The following STON2 variants were observed in gnomAD, a reference collection of about 807,000 sequenced individuals.
STON2 encodes the protein stonin 2, also known as stonin-2.
STON2 carries 29 observed loss-of-function variants against 65.7 expected under a neutral mutation model. The ratio of observed to expected loss-of-function variants is 0.44; its 90% confidence interval spans 0.33 to 0.60. The LOEUF (loss-of-function observed/expected upper bound fraction) is 0.60. STON2 is among the 20% of genes least tolerant of loss of function. The probability of loss-of-function intolerance (pLI) is 0.03; values close to 1 mark genes in which losing one functional copy is unlikely to be tolerated. For missense variants in STON2, 1,054 were observed against 1,118.1 expected (o/e 0.94, Z 0.82); for synonymous variants, 404 against 414.2 (o/e 0.98, Z 0.30).
rs1894181625 is a variant in STON2 at position 81,262,317 on chromosome 14, C to G, written c.*6097G>C. 1 of 985,320 alleles carries G rather than the reference C, an allele frequency of 1.0e-6. No homozygotes were observed. Among genetic ancestry groups the G allele is most frequent in the African/African-American group, 1.7e-5 (1 of 57,252 alleles). 61.0% of individuals were successfully genotyped at this position (985,320 alleles called of 1,614,324 possible). ...CTTTAAATAAACAATCCTCAATGTC[C>G]TCGTGTCTAGCCTTTCCTCCCTTTA... On this transcript the variant is annotated 3_prime_UTR_variant, in exon 8 of 8. Coordinates refer to ENST00000614646, the MANE Select transcript of STON2 (RefSeq NM_001394390.1).
At position 81,264,084 on chromosome 14, in the gene STON2, G is replaced by A; in HGVS notation, c.*4330C>T. On this transcript the variant is annotated 3_prime_UTR_variant, in exon 8 of 8. Transcript: ENST00000614646. ...CTTTTCCTACTGACCATTGAAATGGGCAAGGCTCAGGCTCATGGATCTGTT... is the reference window on the plus strand; with the variant it reads ...CTTTTCCTACTGACCATTGAAATGGACAAGGCTCAGGCTCATGGATCTGTT... 2 of 985,422 alleles carry A rather than the reference G, an allele frequency of 2.0e-6. No individual in the cohort carries two copies. The highest frequency in any genetic ancestry group is 2.4e-6 in the Non-Finnish European group (2 of 829,938). The allele number at this position is 985,422 out of a possible 1,614,324, so 61.0% of individuals were successfully genotyped here.
chr14:81,366,086 A>T (rs892602237), intron 4 of STON2, among the ~76,000 whole-genome samples: 2 of 152,344 alleles, frequency 1.3e-5, no homozygotes, highest in Admixed American at 1.3e-4. Context: ...TTCGCTCTTG[A>T]GAGCAGACCT....
intron 7 of STON2, 28 bp from the exon 8 acceptor site, chr14:81,268,525 G>A (rs1268719339): frequency 7.8e-7 from 1 of 1,288,056 alleles, no homozygotes. Flanking sequence ...TGGAGATAAA[G>A]ATCAAAAAGA....
intron 4 of STON2, among the ~76,000 whole-genome samples, chr14:81,338,722 A>C (rs1897472788): frequency 6.6e-6 from 1 of 152,200 alleles, no homozygotes. Context: ...AATTGAGTTA[A>C]ATTATAGAAC....
upstream of STON2, among the ~76,000 whole-genome samples, chr14:81,404,339 G>A (rs562158908): frequency 6.6e-6 from 1 of 152,264 alleles, no homozygotes; most frequent in South Asian, 2.1e-4. Context: ...GTATAAAAAG[G>A]TGTAAAATAT....
At chr14:81,304,208 C>T (rs1165241602) in intron 5 of STON2, among the ~76,000 whole-genome samples, 2 of 152,144 alleles carry the variant, frequency 1.3e-5, no homozygotes, top group Non-Finnish European at 2.9e-5. Context: ...TTTAGATTCC[C>T]CCACACACCT....
chr14:81,337,695 C>T (rs1418560270), intron 4 of STON2, among the ~76,000 whole-genome samples: 1 of 152,146 alleles, frequency 6.6e-6, no homozygotes, highest in Non-Finnish European at 1.5e-5. Flanking sequence ...CAAGTATGAA[C>T]ATGAGAATGG....
chr14:81,268,345 A>T lies in STON2; in HGVS notation c.*69T>A. On this transcript the variant is annotated 3_prime_UTR_variant, in exon 8 of 8. Transcript: ENST00000614646. ...TGCAACTTCAGCTACTCAGGAAGAC[A>T]CCCTATCATGACTCAGGAAGACACC... 2 of 1,281,908 alleles carry T rather than the reference A, an allele frequency of 1.6e-6. No homozygotes were observed. Among genetic ancestry groups the T allele is most frequent in the Non-Finnish European group, 2.0e-6 (2 of 985,450 alleles). The allele number at this position is 1,281,908 out of a possible 1,614,324, so 79.4% of individuals were successfully genotyped here.
intron 5 of STON2, among the ~76,000 whole-genome samples, chr14:81,296,870 T>C (rs1895781290): frequency 6.6e-6 from 1 of 152,240 alleles, no homozygotes; most frequent in Non-Finnish European, 1.5e-5. Flanking sequence ...AGAGGAAGAA[T>C]GTAACAATCC....
At chr14:81,358,100 A>T (rs1019601858) in intron 4 of STON2, among the ~76,000 whole-genome samples, 2 of 152,142 alleles carry the variant, frequency 1.3e-5, no homozygotes, top group African/African-American at 4.8e-5. Context: ...AGTAAAGCAG[A>T]GCCATATTCA....
chr14:81,398,844 A>G (rs928313638), intron 1 of STON2, among the ~76,000 whole-genome samples: 2 of 152,238 alleles, frequency 1.3e-5, no homozygotes, highest in African/African-American at 2.4e-5. Flanking sequence ...AATTTCCCTA[A>G]TTATTGTATT....
At chr14:81,363,639 G>C (rs979257048) in intron 4 of STON2, among the ~76,000 whole-genome samples, 3 of 151,338 alleles carry the variant, frequency 2.0e-5, no homozygotes, top group Admixed American at 6.6e-5. Context: ...AAAAAAAACT[G>C]CTCTGCTATT....
Position 81,278,079 on chromosome 14 carries a change from T to C in STON2, c.1403A>G (p.Glu468Gly), listed in dbSNP as rs139967782. The C allele has an allele frequency of 8.2e-5, 133 of 1,614,016 alleles. No homozygotes were observed. The highest frequency in any genetic ancestry group is 1.0e-4 in the Non-Finnish European group (120 of 1,180,048). The change falls in exon 6 of 8, where the codon GAA becomes GGA. Residue 468 changes from glutamate (E) to glycine (G), a missense_variant. Physicochemically the swap from Glu to Gly is moderately conservative, Grantham distance 98 (BLOSUM62 -2). Coordinates refer to ENST00000614646, the MANE Select transcript of STON2 (RefSeq NM_001394390.1). ...LPDDDPVAWI[E>G]LDAHPPGSAR... is the part of the protein sequence containing the mutation. ...TGATCCAGGCGGGTGAGCATCTAGT[T>C]CAATCCAGGCTACTGGGTCATCATC...
chr14:81,300,707 G>A (rs934884549), intron 5 of STON2, among the ~76,000 whole-genome samples: 4 of 152,140 alleles, frequency 2.6e-5, no homozygotes, highest in Non-Finnish European at 5.9e-5. Context: ...ACTCTCGTGC[G>A]TCATTGGTGA....
chr14:81,278,950 A>C (rs958611625), intron 5 of STON2: 3 of 412,022 alleles, frequency 7.3e-6, no homozygotes, highest in African/African-American at 2.0e-5. Flanking sequence ...AAGTGCAATA[A>C]GAACCCAATG....
Position 81,268,006 on chromosome 14 carries a change from A to G in STON2, c.*408T>C, listed in dbSNP as rs1241288475. 2 of 987,004 alleles carry G rather than the reference A, an allele frequency of 2.0e-6. No individual in the cohort carries two copies. The highest frequency in any genetic ancestry group is 3.5e-5 in the African/African-American group (2 of 57,266). 61.1% of individuals were successfully genotyped at this position (987,004 alleles called of 1,614,324 possible). On this transcript the variant is annotated 3_prime_UTR_variant, in exon 8 of 8. Transcript: ENST00000614646. ...AACTTCTCAAGACTGCCTTTGCCAG[A>G]AAGTTATGCGAGTGACAGATGAACA...
Position 81,343,613 on chromosome 14 carries a change from T to C in STON2, c.572-19426A>G, listed in dbSNP as rs143007651. On this transcript the variant is annotated intron_variant, in intron 4 of 7. Coordinates refer to ENST00000614646, the MANE Select transcript of STON2 (RefSeq NM_001394390.1). The stretch of plus-strand genomic sequence containing the variant: ...ATGAAAACTAGCCAAGGATATCAAA[T>C]GAAACTTTTTCTAGTTAGATGCAGC... 1.5e-3 allele frequency among the ~76,000 whole-genome samples: 228 copies of C among 152,318 alleles called. 1 individual carries two copies. Among genetic ancestry groups the C allele is most frequent in the African/African-American group, 5.3e-3 (219 of 41,576 alleles).
chr14:81,413,374 A>T, intron 2 of STON2: 1 of 652,250 alleles, frequency 1.5e-6, no homozygotes, highest in Non-Finnish European at 2.4e-6. Context: ...TGTGTTTTAT[A>T]CAGGGCATTC....
At chr14:81,337,430 G>C (rs1358625678) in intron 4 of STON2, among the ~76,000 whole-genome samples, 3 of 152,146 alleles carry the variant, frequency 2.0e-5, no homozygotes, top group Non-Finnish European at 4.4e-5. Context: ...TGGGCACAAA[G>C]GACAATCCAA....
Sources: allele counts gnomAD v4.1 joint callset (sites outside exome capture counted in the v4.1 genomes callset), GRCh38; gene constraint gnomAD v4.1.1; transcripts MANE v1.5; gene names NCBI Gene and HGNC (gene_info 2026-07-23, HGNC 2026-07-21).